The following TRPV5 variants were observed in gnomAD, a reference collection of about 807,000 sequenced individuals.
TRPV5 encodes transient receptor potential cation channel subfamily V member 5, also known as calcium transport protein 2.
Under a neutral mutation model 74.1 loss-of-function variants are expected in TRPV5, and 66 were observed. That is an observed-to-expected ratio of 0.89 (90% CI 0.73 to 1.09). The LOEUF (loss-of-function observed/expected upper bound fraction) is 1.09, where lower values mean the gene tolerates loss of function less well. Ranked by LOEUF, TRPV5 falls within the 50% of genes least tolerant of loss-of-function variation. The pLI, the probability that TRPV5 is intolerant of heterozygous loss-of-function variation, is 0.00. For synonymous variants in TRPV5, 399 were observed against 360.7 expected, an observed-to-expected ratio of 1.11 and a Z score of -1.20; for missense variants, 936 against 930.4, an observed-to-expected ratio of 1.01 and a Z score of -0.08.
intron 13 of TRPV5, 105 bp from the exon 14 acceptor site, chr7:142,909,701 G>A (rs908723586): frequency 2.5e-6 from 3 of 1,206,194 alleles, no homozygotes; most frequent in Non-Finnish European, 2.3e-6. Flanking sequence ...TGTGAGATAG[G>A]ACACTAGAGG....
intron 7 of TRPV5, 49 bp downstream of exon 7, chr7:142,928,039 A>C (rs541634674): frequency 1.2e-6 from 2 of 1,611,166 alleles, no homozygotes; most frequent in East Asian, 4.5e-5. Context: ...CTCTGCACAA[A>C]CACTAAATTC....
At chr7:142,915,686 C>G (rs113609344) in intron 8 of TRPV5, 118 bp from the exon 9 acceptor site, 3 of 886,962 alleles carry the variant, frequency 3.4e-6, no homozygotes, top group African/African-American at 1.7e-5. Context: ...TTCCCACCAG[C>G]ATCACCCCAC....
At chr7:142,912,009 T>C (rs1416689733) in intron 13 of TRPV5, among the ~76,000 whole-genome samples, 1 of 152,214 alleles carries the variant, frequency 6.6e-6, no homozygotes, top group Non-Finnish European at 1.5e-5. Flanking sequence ...TTAGAGAAGA[T>C]ATTGAATGAC....
intron 14 of TRPV5, 34 bp from the exon 15 acceptor site, chr7:142,908,842 G>C: frequency 6.3e-7 from 1 of 1,590,344 alleles, no homozygotes; most frequent in Non-Finnish European, 8.6e-7. Context: ...ACTCAATCCA[G>C]GTGGGGAGAC....
intron 4 of TRPV5, 122 bp from the exon 5 acceptor site, chr7:142,929,242 C>G: frequency 6.8e-7 from 1 of 1,474,972 alleles, no homozygotes; most frequent in South Asian, 1.3e-5. Flanking sequence ...GAGGGACACT[C>G]GTCCAGCAGA....
In TRPV5 at chr7:142,930,450, G is replaced by C. The variant is rs1456826528; in HGVS notation, c.129-4C>G. ...AAGCAGTGGAGACTCTAGAATCCTGGGGAAAGGTGAACGTGAGTTTGGAAG... is the reference window on the plus strand; with the variant it reads ...AAGCAGTGGAGACTCTAGAATCCTGCGGAAAGGTGAACGTGAGTTTGGAAG... On this transcript the variant is annotated splice_polypyrimidine_tract_variant and splice_region_variant and intron_variant, in intron 1 of 14. Transcript: ENST00000265310. The C allele has an allele frequency of 3.1e-6, 5 of 1,611,888 alleles. No individual in the cohort carries two copies. The highest frequency in any genetic ancestry group is 3.4e-6 in the Non-Finnish European group (4 of 1,177,932).
intron 7 of TRPV5, among the ~76,000 whole-genome samples, chr7:142,926,365 C>T (rs547790255): frequency 2.6e-4 from 39 of 152,042 alleles, no homozygotes; most frequent in South Asian, 1.5e-3. Flanking sequence ...GCCAGTGAGA[C>T]GTTAAAGATA....
Position 142,908,665 on chromosome 7 carries a change from G to C in TRPV5, c.2039C>G (p.Ser680Cys), listed in dbSNP as rs776686577. The part of the protein sequence containing the change: ...GAESGTLARA[S>C]LALPTSSLSR... Reference sequence around the variant, plus strand: ...CAGGGAGGAAGTTGGAAGAGCCAAAGAGGCTCTGGCTAGAGTCCCACTCTC... The same window carrying C: ...CAGGGAGGAAGTTGGAAGAGCCAAACAGGCTCTGGCTAGAGTCCCACTCTC... The change falls in exon 15 of 15, where the codon TCT becomes TGT. Residue 680 changes from serine to cysteine, a missense_variant. Physicochemically the swap from Ser to Cys is moderately radical, Grantham distance 112. Coordinates refer to ENST00000265310, the MANE Select transcript of TRPV5 (RefSeq NM_019841.7). 3.9e-5 allele frequency: 63 copies of C among 1,614,112 alleles called. No homozygotes were observed. In the South Asian group the frequency reaches 6.6e-4, roughly 17 times the overall value.
rs767309968 is a variant in TRPV5, at chr7:142,912,628, C to A, written c.1642G>T (p.Asp548Tyr). The A allele has an allele frequency of 4.3e-6, 7 of 1,614,202 alleles. No individual in the cohort carries two copies. Among genetic ancestry groups the A allele is most frequent in the Non-Finnish European group, 5.1e-6 (6 of 1,180,040 alleles). The stretch of plus-strand genomic sequence containing the variant: ...CTGAACATGAAGGGCAAGTCCACGT[C>A]GTAGTTGGCAGGTGCATCAATAACA... ...LTVIDAPANY[D>Y]VDLPFMFSIV... The change falls in exon 13 of 15, where the codon GAC (aspartate) becomes TAC (tyrosine). Residue 548 changes from aspartate to tyrosine, a missense_variant. Physicochemically the swap from Asp to Tyr is radical, Grantham distance 160 (BLOSUM62 -3). Transcript: ENST00000265310.
In TRPV5 at chr7:142,925,873, T is replaced by C. The variant is rs1464925013; in HGVS notation, c.910-132A>G. The C allele has an allele frequency of 1.3e-5, 10 of 777,456 alleles. No individual in the cohort carries two copies. The East Asian group carries it at 2.4e-4, about 19-fold the overall frequency. 48.2% of individuals were successfully genotyped at this position (777,456 alleles called of 1,614,324 possible). On this transcript the variant is annotated intron_variant, in intron 7 of 14. Coordinates refer to ENST00000265310, the MANE Select transcript of TRPV5 (RefSeq NM_019841.7). The stretch of plus-strand genomic sequence containing the variant: ...ATCAGTCACTTATTTGACGGACAAA[T>C]AGTATATTTCCTGCATATGGCTGGG...
In TRPV5 at chr7:142,925,531, G is replaced by A. The variant is rs1355732476; in HGVS notation, c.1120C>T (p.Gln374Ter). 5 of 1,614,142 alleles carry A rather than the reference G, an allele frequency of 3.1e-6. No homozygotes were observed. The highest frequency in any genetic ancestry group is 4.2e-6 in the Non-Finnish European group (5 of 1,180,000). The stretch of plus-strand genomic sequence containing the variant: ...CATCCCCTTCTGAGGAGAATCACCT[G>A]TAGTAGTTTTTGCTGGAGGATGGTG... ...DITILQQKLL[Q>*]EAYETREDII... The change falls in exon 8 of 15, where the codon CAG (glutamine) becomes TAG (stop). Residue 374 changes from glutamine (Q) to a stop codon, truncating the protein, a stop_gained and splice_region_variant. Transcript: ENST00000265310. LOFTEE classifies it high-confidence loss of function.
chr7:142,930,245 C>T, intron 2 of TRPV5, 65 bp from the exon 3 acceptor site: 1 of 1,608,342 alleles, frequency 6.2e-7, no homozygotes. Context: ...GGGCCTCAGG[C>T]TCCAGAGACA....
chr7:142,921,490 C>A (rs2116591213), intron 8 of TRPV5, among the ~76,000 whole-genome samples: 1 of 152,068 alleles, frequency 6.6e-6, no homozygotes, highest in South Asian at 2.1e-4. Flanking sequence ...ACTATGTTGG[C>A]CAGGCTGGTC....
At chr7:142,922,557 T>C (rs1795903162) in intron 8 of TRPV5, among the ~76,000 whole-genome samples, 1 of 152,216 alleles carries the variant, frequency 6.6e-6, no homozygotes, top group Non-Finnish European at 1.5e-5. Flanking sequence ...TTATTAGGTC[T>C]ACTAAAGTGT....
At chr7:142,909,217 C>G (rs557692844) in intron 14 of TRPV5, among the ~76,000 whole-genome samples, 4 of 152,154 alleles carry the variant, frequency 2.6e-5, no homozygotes, top group African/African-American at 9.6e-5. Context: ...GAAGTTAGAT[C>G]CAAGCCAAAA....
At chr7:142,924,286 A>C in intron 8 of TRPV5, among the ~76,000 whole-genome samples, 1 of 108,906 alleles carries the variant, frequency 9.2e-6, no homozygotes, top group Non-Finnish European at 1.9e-5. Flanking sequence ...ATATACATAT[A>C]CATGTATATA....
At position 142,914,886 on chromosome 7, in the gene TRPV5, G is replaced by A. The variant is rs370054328; in HGVS notation, c.1447C>T (p.Gln483Ter). 15 of 1,613,958 alleles carry A rather than the reference G, an allele frequency of 9.3e-6. No homozygotes were observed. Among genetic ancestry groups the A allele is most frequent in the Non-Finnish European group, 1.3e-5 (15 of 1,180,000 alleles). The part of the protein sequence containing the change: ...QMLGPFTIMI[Q>*]KMIFGDLMRF... ...AGCTTCGGGAAAGCACTGACCTTCT[G>A]GATCATGATGGTGAAGGGACCCAGC... Residue 483 changes from glutamine (Q) to a stop codon, truncating the protein, a stop_gained, in exon 11 of 15, where the codon CAG (glutamine) becomes TAG (stop). Transcript: ENST00000265310. LOFTEE classifies it high-confidence loss of function.
rs1659102756 is a variant in TRPV5 at position 142,925,703 on chromosome 7, C to A, written c.948G>T (p.Leu316=). The A allele has an allele frequency of 6.2e-7, 1 of 1,614,154 alleles. No individual in the cohort carries two copies. Among genetic ancestry groups the A allele is most frequent in the Non-Finnish European group, 8.5e-7 (1 of 1,180,024 alleles). The change falls in exon 8 of 15, where the codon CTG becomes CTT. Residue 316 remains leucine (L), a synonymous_variant. Coordinates refer to ENST00000265310, the MANE Select transcript of TRPV5 (RefSeq NM_019841.7). The part of the protein sequence containing the change: ...QILEQTPVKE[L]VSFKWNKYGR... ...CATACTTGTTCCACTTGAAGCTCACCAGCTCCTTCACTGGGGTCTGTTCCA... is the reference window on the plus strand; with the variant it reads ...CATACTTGTTCCACTTGAAGCTCACAAGCTCCTTCACTGGGGTCTGTTCCA...
At chr7:142,925,498 TTC>T (rs753523741) in intron 8 of TRPV5, 29 bp downstream of exon 8, 20 of 1,611,682 alleles carry the variant, frequency 1.2e-5, no homozygotes, top group Non-Finnish European at 1.7e-5. Flanking sequence ...CTTGATGCAA[TTC>T]TCTCTCATCC....
Sources: gnomAD v4.1 joint callset for allele counts (sites outside exome capture counted in the v4.1 genomes callset) on GRCh38, gnomAD v4.1.1 for gene constraint, MANE v1.5 for transcripts, NCBI Gene and HGNC (gene_info 2026-07-23, HGNC 2026-07-21) for gene names.